Variants in AVIL observed in about 807,000 individuals in gnomAD.
AVIL encodes the protein advillin.
In AVIL, 78 loss-of-function variants were observed where a neutral mutation model predicts 109.9. The observed-to-expected ratio is 0.71, with a 90% CI of 0.59 to 0.86. The LOEUF is 0.86. Ranked by LOEUF, AVIL falls within the 40% of genes least tolerant of loss-of-function variation. The pLI is 0.00. For synonymous variants in AVIL, 367 were observed against 379.1 expected (o/e 0.97, Z 0.37); for missense variants, 892 against 1,016.5 (o/e 0.88, Z 1.67).
chr12:57,802,302 C>A lies in AVIL; in HGVS notation c.2009G>T (p.Ser670Ile), dbSNP rs374532704. Residue 670 changes from serine to isoleucine, a missense_variant, in exon 17 of 20, where the codon AGT (serine) becomes ATT (isoleucine). Transcript: ENST00000549994. ...GTACTGCTGTGCTGTGGCAAGGGCACTCTCCTTCTCCGTGGCATTGGCCTC... is the reference window on the plus strand; with the variant it reads ...GTACTGCTGTGCTGTGGCAAGGGCAATCTCCTTCTCCGTGGCATTGGCCTC... The part of the protein sequence containing the change: ...GAEANATEKE[S>I]ALATAQQYLH... The A allele has an allele frequency of 1.7e-4, 277 of 1,613,860 alleles. 2 individuals carry two copies. Among genetic ancestry groups the A allele is most frequent in the South Asian group, 7.6e-4 (69 of 91,034 alleles).
chr12:57,801,893 C>A (rs955515060), intron 17 of AVIL, among the ~76,000 whole-genome samples: 9 of 152,122 alleles, frequency 5.9e-5, no homozygotes, highest in African/African-American at 1.2e-4. Context: ...TTGTAAAGAT[C>A]AAAAAGATGA....
intron 7 of AVIL, 126 bp from the exon 8 acceptor site, chr12:57,810,016 A>G: frequency 1.0e-6 from 1 of 969,970 alleles, no homozygotes; most frequent in Non-Finnish European, 1.6e-6. Flanking sequence ...TAAGACAGCC[A>G]TGACTTGAGT....
At chr12:57,816,997 G>T (rs1334615581) in intron 1 of AVIL, among the ~76,000 whole-genome samples, 1 of 151,892 alleles carries the variant, frequency 6.6e-6, no homozygotes, top group South Asian at 2.1e-4. Context: ...GGTGGGGAGA[G>T]GGGGGAAGTG....
intron 17 of AVIL, among the ~76,000 whole-genome samples, 162 bp downstream of exon 17, chr12:57,801,998 G>C (rs370524687): frequency 1.3e-5 from 2 of 152,330 alleles, no homozygotes; most frequent in Non-Finnish European, 2.9e-5. Flanking sequence ...TGCTGTGGCA[G>C]GTGAAAAAGA....
chr12:57,815,534 G>GGAGA (rs1157394137), intron 2 of AVIL: 3 of 1,193,390 alleles, frequency 2.5e-6, no homozygotes, highest in Non-Finnish European at 3.2e-6. Flanking sequence ...AAGCCCAAGA[G>GGAGA]GAGACGGGCT....
Position 57,807,443 on chromosome 12 carries a change from G to T in AVIL, c.1379C>A (p.Ala460Glu). The T allele has an allele frequency of 6.2e-7, 1 of 1,614,220 alleles. No individual in the cohort carries two copies. The highest frequency in any genetic ancestry group is 8.5e-7 in the Non-Finnish European group (1 of 1,180,052). ...ATCAAACTGCCGATCCACCTCCACT[G>T]CCTGGTATGCTGAGGCTGCCAGCTC... ...QDELAASAYQ[A>E]VEVDRQFDGA... The change falls in exon 13 of 20, where the codon GCA (alanine) becomes GAA (glutamate). Residue 460 changes from alanine to glutamate, a missense_variant. Transcript: ENST00000549994.
At position 57,810,482 on chromosome 12, in the gene AVIL, C is replaced by T; in HGVS notation, c.628G>A (p.Gly210Arg). 6.2e-7 allele frequency: 1 copy of T among 1,614,164 alleles called. No individual in the cohort carries two copies. The highest frequency in any genetic ancestry group is 8.5e-7 in the Non-Finnish European group (1 of 1,180,026). The stretch of plus-strand genomic sequence containing the variant: ...TCTGGGCTGGCTGCCTCCTTGTCTC[C>T]CTCGATCACTCCTATTTTAGCACGG... ...GGRAKIGVIE[G>R]DKEAASPELM... is the part of the protein sequence containing the mutation. The change falls in exon 7 of 20, where the codon GGA becomes AGA. Residue 210 changes from glycine (G) to arginine (R), a missense_variant. Coordinates refer to ENST00000549994, the MANE Select transcript of AVIL (RefSeq NM_006576.4).
chr12:57,798,219 T>C (rs1003205182), intron 19 of AVIL, among the ~76,000 whole-genome samples: 5 of 152,234 alleles, frequency 3.3e-5, no homozygotes, highest in Non-Finnish European at 5.9e-5. Flanking sequence ...CTGGATTCAC[T>C]GCTCTCACAG....
chr12:57,802,800 CTT>C (rs1955877188), intron 16 of AVIL: 1 of 572,976 alleles, frequency 1.7e-6, no homozygotes, highest in Admixed American at 3.3e-5. Context: ...GGCTGACCAA[CTT>C]TACCTCCTAA....
chr12:57,807,202 C>T (rs1219321767), intron 13 of AVIL, 129 bp downstream of exon 13: 2 of 1,362,760 alleles, frequency 1.5e-6, no homozygotes, highest in East Asian at 2.3e-5. Context: ...GGATTAACCC[C>T]CTTCTTCCTC....
chr12:57,799,714 G>C, intron 19 of AVIL, 81 bp downstream of exon 19: 1 of 1,590,970 alleles, frequency 6.3e-7, no homozygotes, highest in Non-Finnish European at 8.6e-7. Context: ...TGCCGGAGCT[G>C]TCCTAGGCCA....
intron 14 of AVIL, 45 bp downstream of exon 14, chr12:57,806,315 C>G: frequency 6.2e-7 from 1 of 1,608,096 alleles, no homozygotes; most frequent in South Asian, 1.1e-5. Context: ...GAGTGCAGGT[C>G]TGGGCTCCGA....
intron 11 of AVIL, 84 bp downstream of exon 11, chr12:57,808,110 C>T (rs1305529906): frequency 2.0e-6 from 3 of 1,468,728 alleles, no homozygotes; most frequent in Admixed American, 1.7e-5. Context: ...AAAGCAGACA[C>T]AGAATCACCT....
chr12:57,802,342 A>G lies in AVIL; in HGVS notation c.1969T>C (p.Leu657=), dbSNP rs1330372824. 2.5e-6 allele frequency: 4 copies of G among 1,610,840 alleles called. No individual in the cohort carries two copies. In the African/African-American group the frequency reaches 4.0e-5, roughly 16 times the overall value. Residue 657 remains leucine (L), a synonymous_variant, in exon 17 of 20, where the codon TTG becomes CTG. Transcript: ENST00000549994. ...GCATTGGCCTCAGCCCCAATCCACA[A>G]GAACACCTGTTAAGGTGGAGATTTA... ...MLLDTWDQVF[L]WIGAEANATE... is the part of the protein sequence containing the mutation.
In AVIL at chr12:57,803,672, GAGA is replaced by G; in HGVS notation, c.1672-6_1672-4del. On this transcript the variant is annotated splice_polypyrimidine_tract_variant and splice_region_variant and intron_variant, in intron 14 of 19. Transcript: ENST00000549994. ...GCCCGCTCATCCCCACTAGACCCCT[GAGA>G]GTGGGGCGAGGAGAGCACAGATGTT... 1 of 1,613,804 alleles carries G rather than the reference GAGA, an allele frequency of 6.2e-7. No homozygotes were observed. The highest frequency in any genetic ancestry group is 2.2e-5 in the East Asian group (1 of 44,872).
intron 7 of AVIL, 62 bp downstream of exon 7, chr12:57,810,287 G>C: frequency 1.3e-6 from 2 of 1,573,394 alleles, no homozygotes; most frequent in South Asian, 2.2e-5. Context: ...GGTGGCTGGT[G>C]TTCTAGGGGA....
rs1955974210 is a variant in AVIL at position 57,807,813 on chromosome 12, A to G, written c.1195-86T>C. ...ACTAAAGAGAGAATCCAGGTGGGAA[A>G]GGTGCTGACGTTTACTCCATGTTCC... On this transcript the variant is annotated intron_variant, in intron 11 of 19. Transcript: ENST00000549994. 41 of 1,570,298 alleles carry G rather than the reference A, an allele frequency of 2.6e-5. No individual in the cohort carries two copies. In the South Asian group the frequency reaches 3.1e-4, roughly 12 times the overall value.
At chr12:57,802,999 A>G (rs1012285124) in intron 16 of AVIL, among the ~76,000 whole-genome samples, 22 of 152,348 alleles carry the variant, frequency 1.4e-4, no homozygotes, top group African/African-American at 4.1e-4. Flanking sequence ...GGATGATGAT[A>G]GGATGGCTGG....
intron 2 of AVIL, 54 bp from the exon 3 acceptor site, chr12:57,814,280 A>G: frequency 6.5e-7 from 1 of 1,530,064 alleles, no homozygotes; most frequent in Non-Finnish European, 8.9e-7. Flanking sequence ...TCCCTTCCCC[A>G]TGAGCCTCCC....
Sources: allele counts gnomAD v4.1 joint callset (sites outside exome capture counted in the v4.1 genomes callset), GRCh38; gene constraint gnomAD v4.1.1; transcripts MANE v1.5; gene names NCBI Gene and HGNC (gene_info 2026-07-23, HGNC 2026-07-21).